ADGRL3: variants seen among roughly 807,000 people sequenced by gnomAD.
ADGRL3 encodes the protein adhesion G protein-coupled receptor L3, also known as calcium-independent alpha-latrotoxin receptor 3.
In ADGRL3, 62 loss-of-function variants were observed where a neutral mutation model predicts 153.5. The ratio of observed to expected loss-of-function variants is 0.40; its 90% CI spans 0.33 to 0.50. The LOEUF (loss-of-function observed/expected upper bound fraction) is 0.50. Among genes scored for constraint, ADGRL3 ranks in the 20% least tolerant of loss-of-function variants. ADGRL3 has a pLI of 0.47. For missense variants in ADGRL3, 1,641 were observed against 1,859.4 expected, an observed-to-expected ratio of 0.88 and a Z score of 2.16; for synonymous variants, 710 against 672.5, an observed-to-expected ratio of 1.06 and a Z score of -0.86.
At chr4:61,559,891 C>G (rs1291172531) in intron 4 of ADGRL3, among the ~76,000 whole-genome samples, 4 of 152,028 alleles carry the variant, frequency 2.6e-5, no homozygotes, top group African/African-American at 9.7e-5. Flanking sequence ...CTATGATGCT[C>G]TGTGTGATCG....
chr4:61,996,390 G>A, intron 20 of ADGRL3, 33 bp downstream of exon 20: 1 of 1,476,606 alleles, frequency 6.8e-7, no homozygotes, highest in South Asian at 1.1e-5. Context: ...GTGTTTCCCA[G>A]ATCAAGAAGT....
intron 8 of ADGRL3, among the ~76,000 whole-genome samples, chr4:61,770,602 G>T (rs2097073034): frequency 6.6e-6 from 1 of 152,114 alleles, no homozygotes; most frequent in East Asian, 1.9e-4. Flanking sequence ...AGAGATTTGG[G>T]GATTGTTAAG....
chr4:61,564,176 T>TTG (rs977479473), intron 4 of ADGRL3, among the ~76,000 whole-genome samples: 1 of 148,446 alleles, frequency 6.7e-6, no homozygotes, highest in Non-Finnish European at 1.5e-5. Context: ...CTGTTTTGAC[T>TTG]TTTTTTTTTA....
At chr4:61,719,905 T>C (rs1487733116) in intron 6 of ADGRL3, among the ~76,000 whole-genome samples, 1 of 151,928 alleles carries the variant, frequency 6.6e-6, no homozygotes, top group Non-Finnish European at 1.5e-5. Flanking sequence ...TCCCGCCCCC[T>C]GTCAGACATT....
intron 12 of ADGRL3, among the ~76,000 whole-genome samples, chr4:61,910,204 G>A (rs1053266747): frequency 6.6e-6 from 1 of 151,598 alleles, no homozygotes; most frequent in Non-Finnish European, 1.5e-5. Flanking sequence ...AATTATAGAT[G>A]ATTTAAAAAC....
intron 8 of ADGRL3, among the ~76,000 whole-genome samples, chr4:61,787,134 A>G (rs1255758016): frequency 1.3e-5 from 2 of 152,186 alleles, no homozygotes; most frequent in African/African-American, 2.4e-5. Flanking sequence ...TTCCTCTTAT[A>G]TTCTATAAAT....
intron 4 of ADGRL3, among the ~76,000 whole-genome samples, chr4:61,581,744 A>G (rs568326803): frequency 2.1e-4 from 32 of 152,172 alleles, no homozygotes; most frequent in African/African-American, 7.7e-4. Context: ...GGCTCATGAC[A>G]CTAAAATCTA....
chr4:61,517,449 CA>C lies in ADGRL3; in HGVS notation c.192del (p.Arg67ValfsTer43). On this transcript the variant is annotated frameshift_variant, in exon 4 of 27. Transcript: ENST00000683033. LOFTEE classifies it high-confidence loss of function. Reference sequence around the variant, plus strand: ...AGAGCGCACCGCTGCTCATCGTGGACAAGGGCCCCGTGGAGCTACCAGAGGA... The same window carrying C: ...AGAGCGCACCGCTGCTCATCGTGGACAGGGCCCCGTGGAGCTACCAGAGGA... ...AAERTAAHRG[Q>X]GPRGATRGVR... is the part of the protein sequence containing the mutation. 1.2e-6 allele frequency: 1 copy of C among 802,946 alleles called. No homozygotes were observed. The highest frequency in any genetic ancestry group is 2.1e-6 in the Non-Finnish European group (1 of 476,414). 49.7% of individuals were successfully genotyped at this position (802,946 alleles called of 1,614,324 possible).
intron 9 of ADGRL3, among the ~76,000 whole-genome samples, chr4:61,827,080 G>A (rs1000803582): frequency 1.3e-5 from 2 of 152,094 alleles, no homozygotes; most frequent in Non-Finnish European, 2.9e-5. Flanking sequence ...AGGCATATTC[G>A]AATTGCAGGA....
intron 8 of ADGRL3, among the ~76,000 whole-genome samples, chr4:61,737,546 G>A (rs1174143296): frequency 1.3e-5 from 2 of 151,964 alleles, no homozygotes; most frequent in South Asian, 2.1e-4. Flanking sequence ...CTTCAGTCTC[G>A]ATTTCCTCAG....
At chr4:62,069,072 G>T (rs1294453938) in intron 26 of ADGRL3, among the ~76,000 whole-genome samples, 1 of 151,870 alleles carries the variant, frequency 6.6e-6, no homozygotes, top group Non-Finnish European at 1.5e-5. Flanking sequence ...TCATTTTGTG[G>T]TTGCATTTGA....
chr4:61,271,350 C>A (rs1313239387), intron 1 of ADGRL3, among the ~76,000 whole-genome samples: 1 of 151,884 alleles, frequency 6.6e-6, no homozygotes, highest in Admixed American at 6.6e-5. Flanking sequence ...TATAACTCCC[C>A]TAGAGCTATT....
intron 17 of ADGRL3, among the ~76,000 whole-genome samples, chr4:61,950,150 A>T (rs960534944): frequency 1.3e-5 from 2 of 152,180 alleles, no homozygotes; most frequent in African/African-American, 4.8e-5. Flanking sequence ...AATAACATGT[A>T]TTTTTAACCA....
intron 6 of ADGRL3, among the ~76,000 whole-genome samples, chr4:61,696,638 T>C (rs2095647064): frequency 6.6e-6 from 1 of 151,376 alleles, no homozygotes; most frequent in African/African-American, 2.4e-5. Context: ...GTATGATAGG[T>C]GATACATTCC....
intron 4 of ADGRL3, among the ~76,000 whole-genome samples, chr4:61,517,997 A>C (rs2098508018): frequency 6.6e-6 from 1 of 152,202 alleles, no homozygotes; most frequent in Admixed American, 6.5e-5. Context: ...AAAAAGTTAT[A>C]GTTACTGAAA....
At chr4:61,701,456 A>C (rs571070189) in intron 6 of ADGRL3, among the ~76,000 whole-genome samples, 33 of 75,552 alleles carry the variant, frequency 4.4e-4, no homozygotes, top group African/African-American at 1.8e-3. Context: ...TTTTTTTGAG[A>C]TGGAGTCTCA....
chr4:61,512,918 A>T (rs568107380), intron 3 of ADGRL3, among the ~76,000 whole-genome samples: 60 of 152,206 alleles, frequency 3.9e-4, no homozygotes, highest in African/African-American at 1.4e-3. Flanking sequence ...TAGCTATATT[A>T]GTGTACATTT....
At chr4:61,209,512 A>G (rs1036408898) in intron 1 of ADGRL3, among the ~76,000 whole-genome samples, 1 of 152,186 alleles carries the variant, frequency 6.6e-6, no homozygotes. Flanking sequence ...CATTTTCTTA[A>G]TTGAAGAGTT....
At chr4:61,542,332 T>C (rs755561594) in intron 4 of ADGRL3, among the ~76,000 whole-genome samples, 14 of 152,140 alleles carry the variant, frequency 9.2e-5, no homozygotes, top group Admixed American at 2.0e-4. Context: ...TTAGGTGAAA[T>C]ATTTACATTT....
Sources: gnomAD v4.1 joint callset for allele counts (sites outside exome capture counted in the v4.1 genomes callset) on GRCh38, gnomAD v4.1.1 for gene constraint, MANE v1.5 for transcripts, NCBI Gene and HGNC (gene_info 2026-07-23, HGNC 2026-07-21) for gene names.